FHIT: variants seen among roughly 807,000 people sequenced by gnomAD.
FHIT encodes bis(5'-adenosyl)-triphosphatase.
Under a neutral mutation model 17.9 loss-of-function variants are expected in FHIT, and 19 were observed. The ratio of observed to expected loss-of-function variants is 1.06; its 90% CI spans 0.74 to 1.56. FHIT has a LOEUF of 1.56. FHIT is among the 40% of genes most tolerant of loss of function. The probability of loss-of-function intolerance (pLI) is 0.00; values close to 1 mark genes in which losing one functional copy is unlikely to be tolerated. For synonymous variants in FHIT, 81 were observed against 69.7 expected (o/e 1.16, Z -0.81); for missense variants, 248 against 189.2 (o/e 1.31, Z -1.82).
chr3:60,951,405 T>C (rs180996673), intron 3 of FHIT, among the ~76,000 whole-genome samples: 6 of 152,344 alleles, frequency 3.9e-5, no homozygotes, highest in Non-Finnish European at 8.8e-5. Flanking sequence ...AGATCTACTA[T>C]GGTGTCAGGT....
chr3:60,374,205 GAATT>G (rs1181359764), intron 5 of FHIT, among the ~76,000 whole-genome samples: 2 of 152,154 alleles, frequency 1.3e-5, no homozygotes, highest in East Asian at 1.9e-4. Context: ...AACTAAAGGA[GAATT>G]AATAGTTTAA....
intron 4 of FHIT, among the ~76,000 whole-genome samples, chr3:60,553,675 A>C (rs2036647134): frequency 6.6e-6 from 1 of 151,840 alleles, no homozygotes; most frequent in African/African-American, 2.4e-5. Flanking sequence ...ATTTACAAAA[A>C]TGTATAACAT....
At position 60,418,376 on chromosome 3, in the gene FHIT, GTATATATA is replaced by G. The variant is rs869203310; in HGVS notation, c.103+118476_103+118483del. ...CCTATATATATGTATCTGAATGTGT[GTATATATA>G]TATATATATATATATATATATATAT... On this transcript the variant is annotated intron_variant, in intron 5 of 9. Coordinates refer to ENST00000492590, the MANE Select transcript of FHIT (RefSeq NM_002012.4). Among the ~76,000 whole-genome samples the G allele has an allele frequency of 4.1e-3, 61 of 14,926 alleles. 1 individual carries two copies. Among genetic ancestry groups the G allele is most frequent in the African/African-American group, 0.012 (58 of 4,812 alleles). The allele number at this position is 14,926 out of a possible 152,430, so 9.8% of individuals were successfully genotyped here. A position where few individuals can be genotyped will look rare whatever the true frequency, so the allele number is the denominator to read the frequency against.
At chr3:60,140,674 G>T (rs1358161541) in intron 5 of FHIT, among the ~76,000 whole-genome samples, 1 of 150,964 alleles carries the variant, frequency 6.6e-6, no homozygotes, top group Non-Finnish European at 1.5e-5. Flanking sequence ...CACCTCCCAG[G>T]TTCAAGCAAT....
At chr3:59,970,914 G>A (rs1360443099) in intron 7 of FHIT, among the ~76,000 whole-genome samples, 2 of 62,078 alleles carry the variant, frequency 3.2e-5, no homozygotes, top group Admixed American at 3.2e-4. Context: ...GGAACAAGCA[G>A]GGATTAAAAA....
chr3:60,698,874 A>T (rs1189567570), intron 4 of FHIT, among the ~76,000 whole-genome samples: 2 of 152,222 alleles, frequency 1.3e-5, no homozygotes, highest in Non-Finnish European at 2.9e-5. Context: ...ATACAGAAAT[A>T]TAAAAAATAA....
intron 5 of FHIT, among the ~76,000 whole-genome samples, chr3:60,239,973 G>T (rs1214793402): frequency 6.6e-6 from 1 of 152,074 alleles, no homozygotes; most frequent in African/African-American, 2.4e-5. Flanking sequence ...AGGGAAAATA[G>T]GAATATTAGC....
intron 5 of FHIT, among the ~76,000 whole-genome samples, chr3:60,488,221 G>A (rs927182641): frequency 3.9e-5 from 6 of 152,182 alleles, no homozygotes; most frequent in African/African-American, 1.4e-4. Context: ...TGAGCTAAAA[G>A]ATTATATTTG....
intron 8 of FHIT, among the ~76,000 whole-genome samples, chr3:59,796,423 G>A (rs1182654555): frequency 1.3e-5 from 2 of 152,094 alleles, no homozygotes; most frequent in Non-Finnish European, 2.9e-5. Context: ...GGTTTTTCAT[G>A]TACGTTCTTC....
intron 4 of FHIT, among the ~76,000 whole-genome samples, chr3:60,797,046 G>T (rs1553730611): frequency 6.6e-6 from 1 of 152,128 alleles, no homozygotes; most frequent in Non-Finnish European, 1.5e-5. Flanking sequence ...ACATATTTTA[G>T]AGGGGCTTTC....
intron 2 of FHIT, among the ~76,000 whole-genome samples, chr3:61,106,708 C>A (rs1051516649): frequency 6.6e-6 from 1 of 152,140 alleles, no homozygotes; most frequent in African/African-American, 2.4e-5. Flanking sequence ...GTCGCCCAGG[C>A]TGGAGTGAAG....
chr3:60,874,916 G>A (rs530359633), intron 3 of FHIT, among the ~76,000 whole-genome samples: 6 of 152,178 alleles, frequency 3.9e-5, no homozygotes, highest in Admixed American at 6.5e-5. Flanking sequence ...CCTTGGAAAC[G>A]TTTACTTAAT....
chr3:61,045,953 C>T lies in FHIT; in HGVS notation c.-163-3854G>A, dbSNP rs184233177. Reference sequence around the variant, plus strand: ...TCTTTGAAACCAACGAGAACAAAGACGCAACATACTAGAATCTCTGGGACA... The same window carrying T: ...TCTTTGAAACCAACGAGAACAAAGATGCAACATACTAGAATCTCTGGGACA... On this transcript the variant is annotated intron_variant, in intron 2 of 9. Coordinates refer to ENST00000492590, the MANE Select transcript of FHIT (RefSeq NM_002012.4). 1.7e-4 allele frequency among the ~76,000 whole-genome samples: 26 copies of T among 152,078 alleles called. 1 individual carries two copies. Among genetic ancestry groups the T allele is most frequent in the Admixed American group, 1.2e-3 (18 of 15,278 alleles).
chr3:60,737,655 T>C (rs2042160635), intron 4 of FHIT, among the ~76,000 whole-genome samples: 1 of 152,206 alleles, frequency 6.6e-6, no homozygotes, highest in South Asian at 2.1e-4. Flanking sequence ...CTTCTATTTG[T>C]TCATATGCAT....
intron 3 of FHIT, among the ~76,000 whole-genome samples, chr3:61,001,869 A>G (rs1475067516): frequency 6.6e-6 from 1 of 152,198 alleles, no homozygotes; most frequent in Non-Finnish European, 1.5e-5. Flanking sequence ...ACTAATGCCA[A>G]TTTCTTGGTT....
chr3:59,846,904 C>A (rs1701742168), intron 8 of FHIT, among the ~76,000 whole-genome samples: 1 of 151,940 alleles, frequency 6.6e-6, no homozygotes, highest in Non-Finnish European at 1.5e-5. Flanking sequence ...AATATCTGAG[C>A]CTTCTGGCCT....
In FHIT at chr3:60,569,755, A is replaced by ATATAT; in HGVS notation, c.-17-32777_-17-32776insATATA. 2.3e-4 allele frequency among the ~76,000 whole-genome samples: 18 copies of ATATAT among 77,334 alleles called. 1 individual carries two copies. The highest frequency in any genetic ancestry group is 3.3e-4 in the Non-Finnish European group (14 of 42,748). The allele number at this position is 77,334 out of a possible 152,430, so 50.7% of individuals were successfully genotyped here. A position where few individuals can be genotyped will look rare whatever the true frequency, so the allele number is the denominator to read the frequency against. On this transcript the variant is annotated intron_variant, in intron 4 of 9. Coordinates refer to ENST00000492590, the MANE Select transcript of FHIT (RefSeq NM_002012.4). The stretch of plus-strand genomic sequence containing the variant: ...TATATATATATATATATATATATAT[A>ATATAT]TTTTTTTTTTTTTTAGACAGAGTTT...
intron 2 of FHIT, among the ~76,000 whole-genome samples, chr3:61,147,594 G>A (rs947006069): frequency 6.6e-6 from 1 of 151,742 alleles, no homozygotes; most frequent in Admixed American, 6.6e-5. Context: ...GACCTTCATG[G>A]CTATTCCCCG....
intron 1 of FHIT, among the ~76,000 whole-genome samples, chr3:61,245,147 C>T (rs1304115396): frequency 1.3e-5 from 2 of 152,166 alleles, no homozygotes; most frequent in Admixed American, 6.5e-5. Context: ...GAGCAGGATG[C>T]ATCAACTTGT....
Sources: allele counts gnomAD v4.1 joint callset (sites outside exome capture counted in the v4.1 genomes callset), GRCh38; gene constraint gnomAD v4.1.1; transcripts MANE v1.5; gene names NCBI Gene and HGNC (gene_info 2026-07-23, HGNC 2026-07-21).